PRKDC: variants seen among roughly 807,000 people sequenced by gnomAD.
PRKDC encodes the protein protein kinase, DNA-activated, catalytic subunit, also known as DNA-dependent protein kinase catalytic subunit.
A neutral mutation model predicts 486.9 loss-of-function variants in PRKDC; 82 were observed. The observed-to-expected ratio is 0.17, with a 90% CI of 0.14 to 0.20. PRKDC has a LOEUF of 0.20. Among genes scored for constraint, PRKDC ranks in the 10% least tolerant of loss-of-function variants. PRKDC has a pLI of 1.00. For missense variants in PRKDC, 4,504 were observed against 5,038.2 expected (o/e 0.89, Z 3.21); for synonymous variants, 1,895 against 1,837.0 (o/e 1.03, Z -0.81).
intron 7 of PRKDC, among the ~76,000 whole-genome samples, chr8:47,945,564 C>T (rs761958695): frequency 2.6e-5 from 4 of 152,140 alleles, no homozygotes; most frequent in Non-Finnish European, 4.4e-5. Context: ...ATCCATGCTG[C>T]AGCATGTGTC....
chr8:47,874,421 C>G (rs1039995034), intron 40 of PRKDC, among the ~76,000 whole-genome samples: 35 of 152,022 alleles, frequency 2.3e-4, no homozygotes, highest in Admixed American at 1.6e-3. Context: ...TCTCATGTAC[C>G]CCATAAATAT....
chr8:47,839,999 G>A lies in PRKDC; in HGVS notation c.7454+17C>T, dbSNP rs932338272. ...CTCAAAAAAGTAACAAAATAAAATA[G>A]TCAATGTATAGCTTACCTGTAATTA... is the stretch of plus-strand genomic sequence containing the variant. On this transcript the variant is annotated intron_variant, in intron 55 of 85. Transcript: ENST00000314191. 4.7e-6 allele frequency: 7 copies of A among 1,505,104 alleles called. No individual in the cohort carries two copies. In the African/African-American group the frequency reaches 7.0e-5, roughly 15 times the overall value. The allele number at this position is 1,505,104 out of a possible 1,614,324, so 93.2% of individuals were successfully genotyped here.
chr8:47,948,705 G>A (rs1038512309), intron 7 of PRKDC, among the ~76,000 whole-genome samples: 9 of 151,712 alleles, frequency 5.9e-5, no homozygotes, highest in South Asian at 2.1e-4. Context: ...CAGGTGATCC[G>A]CCCACCTCAG....
At chr8:47,889,924 A>G (rs2089422660) in intron 32 of PRKDC, among the ~76,000 whole-genome samples, 1 of 152,154 alleles carries the variant, frequency 6.6e-6, no homozygotes, top group South Asian at 2.1e-4. Context: ...TACGTTAATT[A>G]GCTTGATTTA....
chr8:47,836,559 G>C (rs2088029476), intron 57 of PRKDC, 32 bp from the exon 58 acceptor site: 1 of 1,522,300 alleles, frequency 6.6e-7, no homozygotes, highest in Admixed American at 2.0e-5. Context: ...ATGAAATAAA[G>C]TTTCAAATGA....
intron 60 of PRKDC, 109 bp from the exon 61 acceptor site, chr8:47,830,845 TG>T (rs899946410): frequency 8.2e-6 from 11 of 1,341,884 alleles, no homozygotes; most frequent in Non-Finnish European, 1.0e-5. Flanking sequence ...GGCGAAGTGG[TG>T]GGAACTGATG....
intron 27 of PRKDC, among the ~76,000 whole-genome samples, chr8:47,901,972 A>C (rs2089692448): frequency 6.6e-6 from 1 of 152,144 alleles, no homozygotes; most frequent in Non-Finnish European, 1.5e-5. Context: ...CTACACAGCT[A>C]CCAGCAAGTG....
At chr8:47,793,426 G>C (rs2086917446) in intron 74 of PRKDC, among the ~76,000 whole-genome samples, 1 of 151,980 alleles carries the variant, frequency 6.6e-6, no homozygotes, top group Non-Finnish European at 1.5e-5. Flanking sequence ...GGTCACCTGA[G>C]GTCAGGAGTT....
chr8:47,788,043 C>A (rs2086819398), intron 76 of PRKDC, among the ~76,000 whole-genome samples: 1 of 152,144 alleles, frequency 6.6e-6, no homozygotes, highest in Non-Finnish European at 1.5e-5. Flanking sequence ...AACAAGAGTT[C>A]CAAGACTTAT....
chr8:47,823,898 G>T lies in PRKDC; in HGVS notation c.8882C>A (p.Ala2961Asp), dbSNP rs376717552. ...QITQSALLAE[A>D]RSDYSEAAKQ... Reference sequence around the variant, plus strand: ...AGCAGCTTCAGAATAATCACTTCTGGCTTCTGCTAATAATGCACTCTGAGT... The same window carrying T: ...AGCAGCTTCAGAATAATCACTTCTGTCTTCTGCTAATAATGCACTCTGAGT... Residue 2961 changes from alanine (A) to aspartate (D), a missense_variant, in exon 64 of 86, where the codon GCC (alanine) becomes GAC (aspartate). Physicochemically the swap from Ala to Asp is moderately radical, Grantham distance 126. This residue lies in a region of PRKDC where 1,592 missense variants were observed against 1,724.6 expected (regional missense o/e 0.92). Transcript: ENST00000314191. The T allele has an allele frequency of 3.1e-6, 5 of 1,613,694 alleles. No individual in the cohort carries two copies. The highest frequency in any genetic ancestry group is 4.2e-6 in the Non-Finnish European group (5 of 1,179,824).
intron 25 of PRKDC, among the ~76,000 whole-genome samples, chr8:47,910,642 C>T (rs1279465616): frequency 6.6e-6 from 1 of 152,180 alleles, no homozygotes; most frequent in African/African-American, 2.4e-5. Flanking sequence ...GCAATTACTC[C>T]TTCAGATTAT....
chr8:47,948,427 T>C (rs530770726), intron 7 of PRKDC, among the ~76,000 whole-genome samples: 106 of 145,724 alleles, frequency 7.3e-4, no homozygotes, highest in African/African-American at 2.6e-3. Context: ...TTTTTATAAG[T>C]CATTCATACA....
At chr8:47,839,361 C>T in intron 55 of PRKDC, 115 bp from the exon 56 acceptor site, 2 of 736,206 alleles carry the variant, frequency 2.7e-6, no homozygotes, top group South Asian at 3.3e-5. Flanking sequence ...TCCCATTAGA[C>T]TTTAGATCTC....
intron 29 of PRKDC, among the ~76,000 whole-genome samples, chr8:47,898,111 C>A (rs942251408): frequency 1.3e-5 from 2 of 152,240 alleles, no homozygotes; most frequent in Non-Finnish European, 2.9e-5. Flanking sequence ...ACATTCAGTT[C>A]ATACACTTCA....
intron 76 of PRKDC, 126 bp downstream of exon 76, chr8:47,788,780 C>T (rs1477823686): frequency 2.0e-5 from 20 of 1,012,876 alleles, no homozygotes; most frequent in Admixed American, 1.1e-4. Flanking sequence ...ATTCAACAGA[C>T]ATTTTAAATG....
intron 60 of PRKDC, 105 bp from the exon 61 acceptor site, chr8:47,830,841 G>A: frequency 7.0e-7 from 1 of 1,432,630 alleles, no homozygotes; most frequent in South Asian, 1.2e-5. Context: ...TGAGGGCGAA[G>A]TGGTGGGAAC....
At chr8:47,903,489 G>A (rs2089722787) in intron 26 of PRKDC, among the ~76,000 whole-genome samples, 1 of 152,176 alleles carries the variant, frequency 6.6e-6, no homozygotes, top group South Asian at 2.1e-4. Context: ...TTCTTGCAGA[G>A]GTAATTAGAA....
chr8:47,864,461 C>T (rs1489245376), intron 41 of PRKDC, 95 bp downstream of exon 41: 10 of 1,129,574 alleles, frequency 8.9e-6, no homozygotes, highest in Admixed American at 2.3e-5. Context: ...ACTCCTTGAA[C>T]AGCAGAGGCC....
intron 80 of PRKDC, among the ~76,000 whole-genome samples, chr8:47,780,370 C>T (rs1203168274): frequency 6.6e-6 from 1 of 152,186 alleles, no homozygotes; most frequent in Admixed American, 6.5e-5. Context: ...TTTAAGTGAA[C>T]TTGAAAAGCT....
Sources: gnomAD v4.1 joint callset for allele counts (sites outside exome capture counted in the v4.1 genomes callset) on GRCh38, gnomAD v4.1.1 for gene constraint, gnomAD v4.1.1 regional missense constraint, MANE v1.5 for transcripts, NCBI Gene and HGNC (gene_info 2026-07-23, HGNC 2026-07-21) for gene names.